The following GOLGA2 variants were observed in gnomAD, a reference collection of about 807,000 sequenced individuals.
The protein encoded by GOLGA2 is golgin subfamily A member 2.
In GOLGA2, 49 loss-of-function variants were observed where a neutral mutation model predicts 148.8. That is an observed-to-expected ratio of 0.33 (90% CI 0.26 to 0.42). The LOEUF is 0.42. GOLGA2 is among the 10% of genes least tolerant of loss of function. The pLI is 1.00. For missense variants in GOLGA2, 1,178 were observed against 1,304.6 expected, an observed-to-expected ratio of 0.90 and a Z score of 1.49; for synonymous variants, 501 against 511.8, an observed-to-expected ratio of 0.98 and a Z score of 0.28.
rs1018364533 is a variant in GOLGA2 at position 128,261,394 on chromosome 9, G to A, written c.1332+60C>T. The A allele has an allele frequency of 1.0e-5, 13 of 1,240,242 alleles. No homozygotes were observed. The Middle Eastern group carries it at 1.1e-3, about 107-fold the overall frequency. The allele number at this position is 1,240,242 out of a possible 1,614,324, so 76.8% of individuals were successfully genotyped here. On this transcript the variant is annotated intron_variant, in intron 16 of 26. Coordinates refer to ENST00000611957, the MANE Select transcript of GOLGA2 (RefSeq NM_001366244.2). This position sits in a 1 kb window ranked among gnomAD's most constrained non-coding sequence, Gnocchi z 5.7. ...GCTGTGCTCCTCCCATTTCGCAGAT[G>A]CCCAGAAAGATCAAGTGACCTATCT... is the stretch of plus-strand genomic sequence containing the variant.
chr9:128,273,705 A>C, intron 2 of GOLGA2, 145 bp downstream of exon 2: 1 of 1,070,084 alleles, frequency 9.3e-7, no homozygotes, highest in Non-Finnish European at 1.4e-6. Flanking sequence ...AATTTGCCCT[A>C]AATCACATCC....
At position 128,274,278 on chromosome 9, in the gene GOLGA2, T is replaced by G. The variant is rs148352045; in HGVS notation, c.85-306A>C. ...TCCACCTCTCATCCCAGAAACGGGA[T>G]GAGAACACTTAGGGATTGGGTCCTA... is the stretch of plus-strand genomic sequence containing the variant. On this transcript the variant is annotated intron_variant, in intron 1 of 26. Transcript: ENST00000611957. Among the ~76,000 whole-genome samples, 786 of 152,242 alleles carry G rather than the reference T, an allele frequency of 5.2e-3. 6 individuals are homozygous for G. Among genetic ancestry groups the G allele is most frequent in the South Asian group, 1.0e-2 (48 of 4,818 alleles).
Position 128,275,918 on chromosome 9 carries a change from C to T in GOLGA2, c.59G>A (p.Ser20Asn), listed in dbSNP as rs1831328211. Residue 20 changes from serine (S) to asparagine (N), a missense_variant, in exon 1 of 27, where the codon AGC becomes AAC. This residue lies in a region of GOLGA2 where 158 missense variants were observed against 156.6 expected (regional missense o/e 1.01). Coordinates refer to ENST00000611957, the MANE Select transcript of GOLGA2 (RefSeq NM_001366244.2). ...RPAMSEETRQSKLAAAKKKLR... is the reference protein window; with the variant it reads ...RPAMSEETRQNKLAAAKKKLR... ...CTTTTTCTTCGCTGCGGCCAATTTG[C>T]TCTGTCGGGTTTCTTCCGACATCGC... 2 of 1,588,530 alleles carry T rather than the reference C, an allele frequency of 1.3e-6. No homozygotes were observed. Among genetic ancestry groups the T allele is most frequent in the Non-Finnish European group, 1.7e-6 (2 of 1,167,514 alleles).
In GOLGA2 at chr9:128,273,884, G is replaced by T. The variant is rs779291984; in HGVS notation, c.173C>A (p.Thr58Lys). 4.3e-6 allele frequency: 7 copies of T among 1,614,096 alleles called. No individual in the cohort carries two copies. Among genetic ancestry groups the T allele is most frequent in the South Asian group, 1.1e-5 (1 of 91,084 alleles). The change falls in exon 2 of 27, where the codon ACA (threonine) becomes AAA (lysine). Residue 58 changes from threonine (T) to lysine (K), a missense_variant. Thr to Lys is a moderately conservative substitution (Grantham distance 78). Transcript: ENST00000611957. ...TGAGTGGCAACCACCAGAAGTGGTT[G>T]TCTCAGGGTTACTGCCATTTTTTAT... ...KKIKNGSNPETTTSGGCHSPE... is the reference protein window; with the variant it reads ...KKIKNGSNPEKTTSGGCHSPE...
intron 19 of GOLGA2, among the ~76,000 whole-genome samples, chr9:128,259,653 A>G (rs1330700195): frequency 6.6e-6 from 1 of 152,260 alleles, no homozygotes; most frequent in East Asian, 1.9e-4. Context: ...AGTGTGCTAC[A>G]TGCCTAATGC....
intron 2 of GOLGA2, 32 bp from the exon 3 acceptor site, chr9:128,272,897 A>T: frequency 1.1e-6 from 1 of 920,336 alleles, no homozygotes; most frequent in Non-Finnish European, 1.5e-6. Flanking sequence ...AAACAAGGGC[A>T]GGGGGAGAAA....
rs1830912456 is a variant in GOLGA2, at chr9:128,271,060, C to T, written c.288+1725G>A. Among the ~76,000 whole-genome samples the T allele has an allele frequency of 6.6e-6, 1 of 152,144 alleles. No homozygotes were observed. Among genetic ancestry groups the T allele is most frequent in the Admixed American group, 6.5e-5 (1 of 15,272 alleles). On this transcript the variant is annotated intron_variant, in intron 3 of 26. Coordinates refer to ENST00000611957, the MANE Select transcript of GOLGA2 (RefSeq NM_001366244.2). This position sits in a 1 kb window ranked among gnomAD's most constrained non-coding sequence, Gnocchi z 4.4. ...CTCTTTCTCAAAAACAAAAACAAAACAGCAAGAAGGAAATACGGGGATCTA... is the reference window on the plus strand; with the variant it reads ...CTCTTTCTCAAAAACAAAAACAAAATAGCAAGAAGGAAATACGGGGATCTA...
intron 3 of GOLGA2, among the ~76,000 whole-genome samples, chr9:128,270,132 T>C (rs1467808783): frequency 6.8e-6 from 1 of 146,630 alleles, no homozygotes; most frequent in Non-Finnish European, 1.5e-5. Flanking sequence ...GAAGGGAATT[T>C]TTTTTTTTTT....
chr9:128,266,438 G>A lies in GOLGA2; in HGVS notation c.643-113C>T, dbSNP rs1456838390. ...ATGGATTTTAAAGGCAAAGTTCTCA[G>A]ACCCAATGGGAACACGAACTGGTAA... On this transcript the variant is annotated intron_variant, in intron 8 of 26. Coordinates refer to ENST00000611957, the MANE Select transcript of GOLGA2 (RefSeq NM_001366244.2). This position sits in a 1 kb window ranked among gnomAD's most constrained non-coding sequence, Gnocchi z 4.2. 10 of 848,320 alleles carry A rather than the reference G, an allele frequency of 1.2e-5. No individual in the cohort carries two copies. The highest frequency in any genetic ancestry group is 1.8e-5 in the Non-Finnish European group (9 of 508,582). 52.5% of individuals were successfully genotyped at this position (848,320 alleles called of 1,614,324 possible).
chr9:128,272,723 A>C (rs1166370225), intron 3 of GOLGA2, 62 bp downstream of exon 3: 1 of 459,448 alleles, frequency 2.2e-6, no homozygotes, highest in Non-Finnish European at 3.5e-6. Flanking sequence ...AAACCAGAGA[A>C]GCCTCAGGGG....
chr9:128,271,360 T>G lies in GOLGA2; in HGVS notation c.288+1425A>C, dbSNP rs1217211941. On this transcript the variant is annotated intron_variant, in intron 3 of 26. Transcript: ENST00000611957. The surrounding 1 kb of genome is among the most constrained non-coding windows in gnomAD (Gnocchi z 4.4). ...TCTCTAACAGCAGCCAAGGCTGCTC[T>G]GTCTCAGTCCCTCTCCCCATACCCA... 6.6e-6 allele frequency among the ~76,000 whole-genome samples: 1 copy of G among 152,206 alleles called. No individual in the cohort carries two copies. The highest frequency in any genetic ancestry group is 1.5e-5 in the Non-Finnish European group (1 of 68,028).
chr9:128,265,629 G>A lies in GOLGA2; in HGVS notation c.889C>T (p.Arg297Trp), dbSNP rs780585195. Residue 297 changes from arginine to tryptophan, a missense_variant, in exon 12 of 27, where the codon CGG becomes TGG. Physicochemically the swap from Arg to Trp is moderately radical, Grantham distance 101. This residue lies in a region of GOLGA2 where 304 missense variants were observed against 404.1 expected (regional missense o/e 0.75). Transcript: ENST00000611957. ...TGCGTGGAGACAGCAGAGAGAGCCC[G>A]CTCCAACTCTCCCACACGCCGCCGG... ...YSRRRVGELE[R>W]ALSAVSTQQK... The A allele has an allele frequency of 7.4e-6, 12 of 1,613,584 alleles. No individual in the cohort carries two copies. The highest frequency in any genetic ancestry group is 4.5e-5 in the East Asian group (2 of 44,888).
At position 128,261,058 on chromosome 9, in the gene GOLGA2, CT is replaced by C; in HGVS notation, c.1420+113del. The C allele has an allele frequency of 1.2e-6, 1 of 810,946 alleles. No individual in the cohort carries two copies. The highest frequency in any genetic ancestry group is 1.5e-5 in the South Asian group (1 of 67,732). 50.2% of individuals were successfully genotyped at this position (810,946 alleles called of 1,614,324 possible). On this transcript the variant is annotated intron_variant, in intron 17 of 26. Transcript: ENST00000611957. This position sits in a 1 kb window ranked among gnomAD's most constrained non-coding sequence, Gnocchi z 5.7. ...ACTTGCCATCTCCTGGCACAGACCTCTTTCCCTCTGCCTCAAAGCCATTCCA... is the reference window on the plus strand; with the variant it reads ...ACTTGCCATCTCCTGGCACAGACCTCTTCCCTCTGCCTCAAAGCCATTCCA...
Position 128,261,119 on chromosome 9 carries a change from C to T in GOLGA2, c.1420+53G>A. 7.9e-7 allele frequency: 1 copy of T among 1,266,078 alleles called. No individual in the cohort carries two copies. Among genetic ancestry groups the T allele is most frequent in the Non-Finnish European group, 1.2e-6 (1 of 862,954 alleles). The allele number at this position is 1,266,078 out of a possible 1,614,324, so 78.4% of individuals were successfully genotyped here. ...CTCCCTGGGGCATTCTAAACCACCC[C>T]CACAACCCTCTGACACCATTCCTGC... On this transcript the variant is annotated intron_variant, in intron 17 of 26. Coordinates refer to ENST00000611957, the MANE Select transcript of GOLGA2 (RefSeq NM_001366244.2). This position sits in a 1 kb window ranked among gnomAD's most constrained non-coding sequence, Gnocchi z 5.7.
intron 4 of GOLGA2, 88 bp downstream of exon 4, chr9:128,268,332 A>T: frequency 9.7e-7 from 1 of 1,027,562 alleles, no homozygotes; most frequent in East Asian, 2.4e-5. Flanking sequence ...AGGGCCCTTG[A>T]CCCTAGGGAA....
Position 128,260,065 on chromosome 9 carries a change from G to A in GOLGA2, c.1872+11C>T. The A allele has an allele frequency of 6.3e-7, 1 of 1,584,296 alleles. No individual in the cohort carries two copies. The highest frequency in any genetic ancestry group is 8.6e-7 in the Non-Finnish European group (1 of 1,158,466). On this transcript the variant is annotated intron_variant, in intron 19 of 26. Transcript: ENST00000611957. The surrounding 1 kb of genome is among the most constrained non-coding windows in gnomAD (Gnocchi z 4.8). ...CCGCCTCCCAGCCCTTCTTGGATGG[G>A]GCGGGGTTACCGTTTCCTTCAGCTC...
chr9:128,267,838 T>C, intron 6 of GOLGA2, 96 bp downstream of exon 6: 1 of 992,676 alleles, frequency 1.0e-6, no homozygotes, highest in Non-Finnish European at 1.6e-6. Flanking sequence ...CATTGGCTGG[T>C]CCCAGGATCT....
Position 128,260,479 on chromosome 9 carries a change from C to A in GOLGA2, c.1744G>T (p.Gly582Ter). The A allele has an allele frequency of 6.2e-7, 1 of 1,610,100 alleles. No individual in the cohort carries two copies. Among genetic ancestry groups the A allele is most frequent in the Non-Finnish European group, 8.5e-7 (1 of 1,177,438 alleles). Reference protein sequence around the residue: ...LKEQLAELQSGFVKLTNENME... With the variant: ...LKEQLAELQS Reference sequence around the variant, plus strand: ...GGGCAGCGCACCAGCTTTACAAATCCGCTCTGCAGCTCAGCCAGCTGCTCC... The same window carrying A: ...GGGCAGCGCACCAGCTTTACAAATCAGCTCTGCAGCTCAGCCAGCTGCTCC... The change falls in exon 18 of 27, where the codon GGA becomes TGA. Residue 582 changes from glycine to a stop codon, truncating the protein, a stop_gained. Transcript: ENST00000611957. LOFTEE classifies it high-confidence loss of function. The surrounding 1 kb of genome is among the most constrained non-coding windows in gnomAD (Gnocchi z 4.8).
chr9:128,265,072 T>C (rs1174460306), intron 12 of GOLGA2, among the ~76,000 whole-genome samples: 2 of 152,208 alleles, frequency 1.3e-5, no homozygotes, highest in Non-Finnish European at 2.9e-5. Flanking sequence ...TGTTCAGTTT[T>C]TGAAAGGATG....
Sources: allele counts gnomAD v4.1 joint callset (sites outside exome capture counted in the v4.1 genomes callset), GRCh38; gene constraint gnomAD v4.1.1; regional missense constraint gnomAD v4.1.1; non-coding constraint Gnocchi (gnomAD v3.1); transcripts MANE v1.5; gene names NCBI Gene and HGNC (gene_info 2026-07-23, HGNC 2026-07-21).